CNTNAP2: variants seen among roughly 807,000 people sequenced by gnomAD.
The protein encoded by CNTNAP2 is contactin associated protein 2.
A neutral mutation model predicts 155.2 loss-of-function variants in CNTNAP2; 98 were observed. That is an observed-to-expected ratio of 0.63 (90% CI 0.54 to 0.75). CNTNAP2 has a LOEUF of 0.75. CNTNAP2 is among the 30% of genes least tolerant of loss of function. The pLI is 0.00. For synonymous variants in CNTNAP2, 651 were observed against 631.2 expected (o/e 1.03, Z -0.47); for missense variants, 1,727 against 1,688.1 (o/e 1.02, Z -0.40).
chr7:147,524,664 G>C (rs1199974628), intron 11 of CNTNAP2, among the ~76,000 whole-genome samples: 1 of 152,166 alleles, frequency 6.6e-6, no homozygotes, highest in African/African-American at 2.4e-5. Context: ...AAAGTAAATT[G>C]AAAACTCTGC....
At chr7:146,932,193 AT>A (rs1235505582) in intron 3 of CNTNAP2, among the ~76,000 whole-genome samples, 2 of 152,250 alleles carry the variant, frequency 1.3e-5, no homozygotes, top group East Asian at 1.9e-4. Flanking sequence ...CCTCAAAAAA[AT>A]ATTGGCAAAC....
chr7:148,128,678 G>T (rs1230441398), intron 16 of CNTNAP2, among the ~76,000 whole-genome samples: 1 of 152,172 alleles, frequency 6.6e-6, no homozygotes, highest in African/African-American at 2.4e-5. Flanking sequence ...TTTTAGAATA[G>T]AATGTCTTCT....
intron 1 of CNTNAP2, among the ~76,000 whole-genome samples, chr7:146,357,406 A>G (rs184081199): frequency 4.2e-4 from 64 of 152,302 alleles, no homozygotes; most frequent in African/African-American, 1.5e-3. Flanking sequence ...ATCATGAATC[A>G]TATAATCTAT....
chr7:146,363,858 G>A (rs1008485759), intron 1 of CNTNAP2, among the ~76,000 whole-genome samples: 2 of 152,138 alleles, frequency 1.3e-5, no homozygotes, highest in African/African-American at 4.8e-5. Flanking sequence ...GGAGAACAGG[G>A]AGCCACTGGG....
chr7:147,604,412 C>T (rs183450041), intron 12 of CNTNAP2, among the ~76,000 whole-genome samples: 5 of 152,334 alleles, frequency 3.3e-5, no homozygotes, highest in East Asian at 3.9e-4. Flanking sequence ...TACTCTTATT[C>T]ATGATCACAT....
chr7:147,559,641 G>T (rs555428667), intron 11 of CNTNAP2, among the ~76,000 whole-genome samples: 1 of 152,126 alleles, frequency 6.6e-6, no homozygotes. Context: ...GAAGGGGAAT[G>T]GTTTCAATGG....
chr7:147,326,114 T>A (rs13245948), intron 9 of CNTNAP2, among the ~76,000 whole-genome samples: 1 of 152,100 alleles, frequency 6.6e-6, no homozygotes. Context: ...TTAGTAGAGA[T>A]GGGGTTTCAC....
chr7:147,618,231 C>G (rs1167003116), intron 12 of CNTNAP2, among the ~76,000 whole-genome samples: 1 of 152,172 alleles, frequency 6.6e-6, no homozygotes, highest in Non-Finnish European at 1.5e-5. Context: ...GAGACCTGCA[C>G]TAGAAAGATC....
chr7:146,960,602 C>T (rs944862085), intron 3 of CNTNAP2, among the ~76,000 whole-genome samples: 2 of 152,072 alleles, frequency 1.3e-5, no homozygotes, highest in Admixed American at 1.3e-4. Context: ...AGGATTTATT[C>T]AAAAATTTAT....
chr7:146,334,732 G>A (rs985445216), intron 1 of CNTNAP2, among the ~76,000 whole-genome samples: 7 of 152,152 alleles, frequency 4.6e-5, no homozygotes, highest in East Asian at 1.9e-4. Context: ...AATGAAGAGG[G>A]TATTTCAGTG....
chr7:147,866,079 T>C (rs1799220978), intron 13 of CNTNAP2, among the ~76,000 whole-genome samples: 1 of 152,234 alleles, frequency 6.6e-6, no homozygotes, highest in South Asian at 2.1e-4. Context: ...AATTTCCCTC[T>C]ATACACTGCT....
At chr7:146,514,782 T>C (rs1797516849) in intron 1 of CNTNAP2, among the ~76,000 whole-genome samples, 1 of 152,140 alleles carries the variant, frequency 6.6e-6, no homozygotes, top group Non-Finnish European at 1.5e-5. Flanking sequence ...TACATCTATA[T>C]TCTTGCATTG....
Position 147,580,768 on chromosome 7 carries a change from A to G in CNTNAP2, c.1897+18511A>G, listed in dbSNP as rs375097694. On this transcript the variant is annotated intron_variant, in intron 12 of 23. Transcript: ENST00000361727. ...GTAGCTAGGACTACAGGCATGTGCC[A>G]CCGTGCCCAGCTAATTTTTGTATTT... is the stretch of plus-strand genomic sequence containing the variant. 4.5e-3 allele frequency among the ~76,000 whole-genome samples: 681 copies of G among 152,148 alleles called. 7 individuals are homozygous for G. The highest frequency in any genetic ancestry group is 7.2e-3 in the Admixed American group (110 of 15,252).
intron 1 of CNTNAP2, among the ~76,000 whole-genome samples, chr7:146,147,084 C>T (rs12154831): frequency 0.16 from 25,040 of 152,008 alleles, 2,563 homozygotes; most frequent in East Asian, 0.28. Context: ...CGGAAGTGAC[C>T]ACTTCTCTTT....
At chr7:146,824,093 G>C (rs1803352235) in intron 2 of CNTNAP2, among the ~76,000 whole-genome samples, 1 of 152,004 alleles carries the variant, frequency 6.6e-6, no homozygotes, top group Non-Finnish European at 1.5e-5. Flanking sequence ...GTGTCCATCT[G>C]TTCTCATTTT....
chr7:147,463,559 C>G (rs908951207), intron 10 of CNTNAP2, among the ~76,000 whole-genome samples: 1 of 152,178 alleles, frequency 6.6e-6, no homozygotes, highest in African/African-American at 2.4e-5. Flanking sequence ...TCCAATATCT[C>G]TTGGCCTTCT....
chr7:147,062,808 T>C (rs2888440), intron 4 of CNTNAP2, among the ~76,000 whole-genome samples: 92,780 of 152,046 alleles, frequency 0.61, 31,138 homozygotes, highest in African/African-American at 0.9. Flanking sequence ...TTTTATTATC[T>C]AGCGTCTGTT....
chr7:147,537,575 TA>T (rs34640976), intron 11 of CNTNAP2, among the ~76,000 whole-genome samples: 67 of 148,220 alleles, frequency 4.5e-4, no homozygotes, highest in South Asian at 1.3e-3. Flanking sequence ...TAAAGAACCT[TA>T]AAAAAAAAAA....
intron 1 of CNTNAP2, among the ~76,000 whole-genome samples, chr7:146,381,683 C>A (rs1795391507): frequency 6.6e-6 from 1 of 152,100 alleles, no homozygotes; most frequent in African/African-American, 2.4e-5. Context: ...AGACCTATAT[C>A]AGTTACATAG....
Sources: allele counts gnomAD v4.1 joint callset (sites outside exome capture counted in the v4.1 genomes callset), GRCh38; gene constraint gnomAD v4.1.1; transcripts MANE v1.5; gene names NCBI Gene and HGNC (gene_info 2026-07-23, HGNC 2026-07-21).